The following OPTC variants were observed in gnomAD, a reference collection of about 807,000 sequenced individuals.
OPTC encodes the protein oculoglycan.
OPTC carries 22 observed loss-of-function variants against 25.4 expected under a neutral mutation model. That is an observed-to-expected ratio of 0.87 (90% CI 0.62 to 1.24). The LOEUF (loss-of-function observed/expected upper bound fraction) is 1.24, where lower values mean the gene tolerates loss of function less well. Among genes scored for constraint, OPTC ranks in the 50% most tolerant of loss-of-function variants. OPTC has a pLI of 0.00. For synonymous variants in OPTC, 169 were observed against 179.3 expected (o/e 0.94, Z 0.46); for missense variants, 417 against 425.2 (o/e 0.98, Z 0.17).
At chr1:203,505,141 G>T (rs1307478836) in intron 7 of OPTC, among the ~76,000 whole-genome samples, 3 of 152,204 alleles carry the variant, frequency 2.0e-5, no homozygotes, top group Non-Finnish European at 2.9e-5. Flanking sequence ...TACTCACGCA[G>T]GAGGATCTTA....
intron 2 of OPTC, among the ~76,000 whole-genome samples, chr1:203,496,591 T>C (rs1661284881): frequency 6.6e-6 from 1 of 152,218 alleles, no homozygotes; most frequent in Non-Finnish European, 1.5e-5. Flanking sequence ...CCAGGTCCTC[T>C]TGGCCTTCAC....
At chr1:203,505,070 G>A (rs927423184) in intron 7 of OPTC, among the ~76,000 whole-genome samples, 3 of 152,128 alleles carry the variant, frequency 2.0e-5, no homozygotes, top group South Asian at 2.1e-4. Flanking sequence ...TGTGATGGAC[G>A]GGCTCTTGGC....
At position 203,499,791 on chromosome 1, in the gene OPTC, G is replaced by T. The variant is rs1414104985; in HGVS notation, c.672G>T (p.Glu224Asp). The change falls in exon 5 of 8, where the codon GAG (glutamate) becomes GAT (aspartate). Residue 224 changes from glutamate to aspartate, a missense_variant. Physicochemically the swap from Glu to Asp is conservative, Grantham distance 45. Transcript: ENST00000367222. The part of the protein sequence containing the change: ...EALPVLPSGI[E>D]FLDVRLNRLQ... ...TGCCCGTGCTGCCCAGTGGCATTGA[G>T]TTCCTGGATGTCCGCCTAAATCGGC... The T allele has an allele frequency of 1.1e-5, 18 of 1,612,816 alleles. No individual in the cohort carries two copies. Among genetic ancestry groups the T allele is most frequent in the Non-Finnish European group, 1.5e-5 (18 of 1,179,900 alleles).
intron 5 of OPTC, among the ~76,000 whole-genome samples, chr1:203,500,191 A>C (rs201636634): frequency 1.7e-3 from 1 of 574 alleles, no homozygotes. Flanking sequence ...CACCACCACC[A>C]CCACCACCAC....
Position 203,496,969 on chromosome 1 carries a change from A to G in OPTC, c.232-8A>G. ...TGGGCTACTGTGTACTCTGTGCTAC[A>G]TCTCCAGGTTAAGGTGACTAGCCTC... On this transcript the variant is annotated splice_polypyrimidine_tract_variant and splice_region_variant and intron_variant, in intron 2 of 7. Transcript: ENST00000367222. 1 of 1,614,032 alleles carries G rather than the reference A, an allele frequency of 6.2e-7. No individual in the cohort carries two copies.
chr1:203,506,324 T>C (rs1383816963), intron 7 of OPTC, among the ~76,000 whole-genome samples: 1 of 151,916 alleles, frequency 6.6e-6, no homozygotes, highest in Admixed American at 6.6e-5. Flanking sequence ...GCTAATTTTG[T>C]ACTTTAAGTA....
At chr1:203,501,024 T>A (rs1008676317) in intron 5 of OPTC, among the ~76,000 whole-genome samples, 2 of 152,220 alleles carry the variant, frequency 1.3e-5, no homozygotes, top group African/African-American at 4.8e-5. Flanking sequence ...ATTCTACGTA[T>A]CCTTTTATTT....
At chr1:203,506,787 G>A (rs950328822) in intron 7 of OPTC, among the ~76,000 whole-genome samples, 2 of 152,218 alleles carry the variant, frequency 1.3e-5, no homozygotes, top group African/African-American at 4.8e-5. Flanking sequence ...GCAAGAGAGT[G>A]GCAGAGCTAG....
At chr1:203,501,560 C>G (rs1352434127) in intron 5 of OPTC, among the ~76,000 whole-genome samples, 1 of 152,200 alleles carries the variant, frequency 6.6e-6, no homozygotes, top group African/African-American at 2.4e-5. Context: ...CTCTGTCTCT[C>G]AAGTAGTAGA....
chr1:203,495,291 G>T (rs1028916246), intron 1 of OPTC, among the ~76,000 whole-genome samples: 1 of 152,176 alleles, frequency 6.6e-6, no homozygotes, highest in Non-Finnish European at 1.5e-5. Context: ...AGCCAGGGTG[G>T]GTGGATCACC....
chr1:203,494,401 G>A (rs1456407510), intron 1 of OPTC, among the ~76,000 whole-genome samples, 184 bp downstream of exon 1: 1 of 152,188 alleles, frequency 6.6e-6, no homozygotes, highest in African/African-American at 2.4e-5. Flanking sequence ...TATGTAATTC[G>A]TTTGGGGTGA....
chr1:203,508,056 T>C (rs2102229098), intron 7 of OPTC, among the ~76,000 whole-genome samples: 1 of 152,338 alleles, frequency 6.6e-6, no homozygotes, highest in Non-Finnish European at 1.5e-5. Context: ...CTTTTACTGA[T>C]GAAAATGAGA....
chr1:203,498,630 G>T, intron 3 of OPTC, 51 bp from the exon 4 acceptor site: 1 of 1,611,470 alleles, frequency 6.2e-7, no homozygotes, highest in Non-Finnish European at 8.5e-7. Flanking sequence ...AGGGCCATTG[G>T]CCCCAGAGGC....
chr1:203,505,252 CAAAT>C (rs60797230), intron 7 of OPTC, among the ~76,000 whole-genome samples: 6,659 of 152,236 alleles, frequency 0.044, 319 homozygotes, highest in Admixed American at 0.15. Flanking sequence ...AGGTGTGAAA[CAAAT>C]AAGCACACCA....
chr1:203,502,250 G>A (rs1661402368), intron 5 of OPTC, among the ~76,000 whole-genome samples: 1 of 152,132 alleles, frequency 6.6e-6, no homozygotes, highest in African/African-American at 2.4e-5. Context: ...TGAGAGCACG[G>A]TCCCATGCAC....
At chr1:203,496,647 C>A (rs914522153) in intron 2 of OPTC, among the ~76,000 whole-genome samples, 2 of 152,136 alleles carry the variant, frequency 1.3e-5, no homozygotes, top group Non-Finnish European at 2.9e-5. Flanking sequence ...CTCAATTGTG[C>A]GTGAGCCTGG....
intron 1 of OPTC, 138 bp from the exon 2 acceptor site, chr1:203,495,827 G>C (rs1263316364): frequency 3.1e-6 from 2 of 644,458 alleles, no homozygotes; most frequent in Admixed American, 4.3e-5. Context: ...CCAGCTGGTA[G>C]GGAATTTGTG....
At chr1:203,506,686 C>T (rs1210845441) in intron 7 of OPTC, among the ~76,000 whole-genome samples, 1 of 152,114 alleles carries the variant, frequency 6.6e-6, no homozygotes, top group African/African-American at 2.4e-5. Context: ...TCATTTAATT[C>T]CAGCAAAAAC....
chr1:203,499,643 TCTCAG>T lies in OPTC; in HGVS notation c.530-4_530del. 1 of 1,612,912 alleles carries T rather than the reference TCTCAG, an allele frequency of 6.2e-7. No homozygotes were observed. The highest frequency in any genetic ancestry group is 8.5e-7 in the Non-Finnish European group (1 of 1,179,340). On this transcript the variant is annotated splice_acceptor_variant and splice_polypyrimidine_tract_variant and intron_variant, in intron 4 of 7. Coordinates refer to ENST00000367222, the MANE Select transcript of OPTC (RefSeq NM_014359.4). LOFTEE classifies it high-confidence loss of function. ...TCTCTCTTTGTTCTCCCCTAACCTCTCTCAGCAAAGTTGAAGAGGATTGACCTCTC... is the reference window on the plus strand; with the variant it reads ...TCTCTCTTTGTTCTCCCCTAACCTCTCAAAGTTGAAGAGGATTGACCTCTC...
Sources: allele counts gnomAD v4.1 joint callset (sites outside exome capture counted in the v4.1 genomes callset), GRCh38; gene constraint gnomAD v4.1.1; transcripts MANE v1.5; gene names NCBI Gene and HGNC (gene_info 2026-07-23, HGNC 2026-07-21).